Variants in SV2B observed in about 807,000 individuals in gnomAD.
SV2B encodes solute carrier family 22 member B2.
SV2B carries 41 observed loss-of-function variants against 73.9 expected under a neutral mutation model. That is an observed-to-expected ratio of 0.56 (90% CI 0.43 to 0.72). The LOEUF is 0.72. Among genes scored for constraint, SV2B ranks in the 30% least tolerant of loss-of-function variants. The pLI is 0.00. For synonymous variants in SV2B, 314 were observed against 314.2 expected, an observed-to-expected ratio of 1.00 and a Z score of 0.01; for missense variants, 764 against 857.8, an observed-to-expected ratio of 0.89 and a Z score of 1.37.
rs575838093 is a variant in SV2B, at chr15:91,227,156, C to G, written c.451+442C>G. On this transcript the variant is annotated intron_variant, in intron 2 of 12. Transcript: ENST00000394232. The surrounding 1 kb of genome is among the most constrained non-coding windows in gnomAD (Gnocchi z 4.5). The stretch of plus-strand genomic sequence containing the variant: ...CTTCTCTCTGTGTCTTTCCAGAGTC[C>G]GATGGTGTCTGTTCCTGGTTTCTCA... Among the ~76,000 whole-genome samples the G allele has an allele frequency of 6.6e-6, 1 of 152,040 alleles. No homozygotes were observed. The highest frequency in any genetic ancestry group is 1.5e-5 in the Non-Finnish European group (1 of 68,000).
chr15:91,185,989 G>A (rs1395638548), intron 1 of SV2B, among the ~76,000 whole-genome samples: 1 of 152,196 alleles, frequency 6.6e-6, no homozygotes, highest in Admixed American at 6.5e-5. Flanking sequence ...GTCCCAGGCT[G>A]TCCCCCAGAC....
At chr15:91,264,632 T>C (rs1035600174) in intron 6 of SV2B, among the ~76,000 whole-genome samples, 16 of 152,194 alleles carry the variant, frequency 1.1e-4, no homozygotes, top group African/African-American at 3.9e-4. Flanking sequence ...GCCACCTCCG[T>C]TGAGTGGCCT....
Position 91,130,504 on chromosome 15 carries a change from TGAGAGAGA to T in SV2B, c.-392+30150_-392+30157del, listed in dbSNP as rs1301045343. On this transcript the variant is annotated intron_variant, in intron 1 of 12. Coordinates refer to ENST00000394232, the MANE Select transcript of SV2B (RefSeq NM_001323032.3). This position sits in a 1 kb window ranked among gnomAD's most constrained non-coding sequence, Gnocchi z 5.6. ...GAAGTGGAGGGTAAGGAACAGGGAA[TGAGAGAGA>T]GAGAGAGAAGCAGCTGCATTTGGGG... Among the ~76,000 whole-genome samples the T allele has an allele frequency of 6.7e-6, 1 of 149,810 alleles. No homozygotes were observed. The highest frequency in any genetic ancestry group is 2.5e-5 in the African/African-American group (1 of 40,734).
rs925463802 is a variant in SV2B, at chr15:91,267,769, A to G, written c.1208+126A>G. On this transcript the variant is annotated intron_variant, in intron 8 of 12. Coordinates refer to ENST00000394232, the MANE Select transcript of SV2B (RefSeq NM_001323032.3). This position sits in a 1 kb window ranked among gnomAD's most constrained non-coding sequence, Gnocchi z 4.3. ...GTAGGATGCTTTGGTGGCAAGTAGC[A>G]GAAAACCAACTCTAGTGGCTTCTAC... The G allele has an allele frequency of 7.6e-6, 6 of 788,356 alleles. No homozygotes were observed. Among genetic ancestry groups the G allele is most frequent in the Non-Finnish European group, 1.3e-5 (6 of 464,600 alleles). The allele number at this position is 788,356 out of a possible 1,614,324, so 48.8% of individuals were successfully genotyped here.
At chr15:91,244,540 G>A (rs191783363) in intron 2 of SV2B, among the ~76,000 whole-genome samples, 92 of 152,240 alleles carry the variant, frequency 6.0e-4, no homozygotes, top group African/African-American at 2.0e-3. Flanking sequence ...GTTTCCAAGC[G>A]TCCAGATGCC....
At chr15:91,199,700 C>T (rs1051369342) in intron 1 of SV2B, among the ~76,000 whole-genome samples, 1 of 152,144 alleles carries the variant, frequency 6.6e-6, no homozygotes, top group Non-Finnish European at 1.5e-5. Context: ...GGTTTCAGTG[C>T]CCAGGTGGGG....
rs781440405 is a variant in SV2B, at chr15:91,284,113, A to G, written c.1600A>G (p.Asn534Asp). ...CTGCCACATGGACTTGGAGCAAGAT[A>G]ATGACTTCCTGATTTACCTCGTCAG... is the stretch of plus-strand genomic sequence containing the variant. Reference protein sequence around the residue: ...EGCHMDLEQDNDFLIYLVSFL... With the variant: ...EGCHMDLEQDDDFLIYLVSFL... The change falls in exon 11 of 13, where the codon AAT (asparagine) becomes GAT (aspartate). Residue 534 changes from asparagine to aspartate, a missense_variant. Physicochemically the swap from Asn to Asp is conservative, Grantham distance 23. Transcript: ENST00000394232. The surrounding 1 kb of genome is among the most constrained non-coding windows in gnomAD (Gnocchi z 4.5). 1.2e-6 allele frequency: 2 copies of G among 1,614,182 alleles called. No homozygotes were observed. The highest frequency in any genetic ancestry group is 1.7e-5 in the Admixed American group (1 of 60,024).
At chr15:91,144,535 A>G (rs2043090016) in intron 1 of SV2B, among the ~76,000 whole-genome samples, 1 of 152,230 alleles carries the variant, frequency 6.6e-6, no homozygotes. Flanking sequence ...TCCTGCTATA[A>G]TACTTTCTTA....
intron 2 of SV2B, among the ~76,000 whole-genome samples, chr15:91,243,090 TA>T (rs1306681272): frequency 6.6e-6 from 1 of 152,182 alleles, no homozygotes; most frequent in African/African-American, 2.4e-5. Flanking sequence ...TTTGCCCTCT[TA>T]TGAGACCCCT....
rs1301601202 is a variant in SV2B, at chr15:91,123,386, AT to A, written c.-392+23025del. On this transcript the variant is annotated intron_variant, in intron 1 of 12. Coordinates refer to ENST00000394232, the MANE Select transcript of SV2B (RefSeq NM_001323032.3). This position sits in a 1 kb window ranked among gnomAD's most constrained non-coding sequence, Gnocchi z 4.7. ...GCTTGGTTTAGCCATTCCACGATGTATTCATATTTGAAAACAACATTTTATA... is the reference window on the plus strand; with the variant it reads ...GCTTGGTTTAGCCATTCCACGATGTATCATATTTGAAAACAACATTTTATA... Among the ~76,000 whole-genome samples the A allele has an allele frequency of 5.8e-4, 89 of 152,232 alleles. No homozygotes were observed. The highest frequency in any genetic ancestry group is 2.1e-3 in the African/African-American group (86 of 41,454).
chr15:91,206,795 G>A (rs1428792680), intron 1 of SV2B, among the ~76,000 whole-genome samples: 2 of 152,260 alleles, frequency 1.3e-5, no homozygotes, highest in East Asian at 1.9e-4. Context: ...ACATAAAAGA[G>A]CATATTTAAA....
Position 91,110,422 on chromosome 15 carries a change from G to A in SV2B, c.-392+10059G>A, listed in dbSNP as rs532703805. Among the ~76,000 whole-genome samples, 1 of 152,284 alleles carries A rather than the reference G, an allele frequency of 6.6e-6. No homozygotes were observed. Among genetic ancestry groups the A allele is most frequent in the South Asian group, 2.1e-4 (1 of 4,822 alleles). On this transcript the variant is annotated intron_variant, in intron 1 of 12. Coordinates refer to ENST00000394232, the MANE Select transcript of SV2B (RefSeq NM_001323032.3). This position sits in a 1 kb window ranked among gnomAD's most constrained non-coding sequence, Gnocchi z 5.4. ...CCCAAGCAGGTGAGAGCCTGGTTAGGCCCCTCAACAGCCTCCTCTGATTGC... is the reference window on the plus strand; with the variant it reads ...CCCAAGCAGGTGAGAGCCTGGTTAGACCCCTCAACAGCCTCCTCTGATTGC...
chr15:91,278,190 G>A (rs569235148), intron 9 of SV2B, among the ~76,000 whole-genome samples: 44 of 152,196 alleles, frequency 2.9e-4, no homozygotes, highest in African/African-American at 9.1e-4. Context: ...GTAAAAGTAC[G>A]CCCCGTTTAT....
At chr15:91,180,121 G>A (rs1469781625) in intron 1 of SV2B, among the ~76,000 whole-genome samples, 4 of 152,048 alleles carry the variant, frequency 2.6e-5, no homozygotes, top group African/African-American at 2.4e-5. Context: ...TTGCTTGTTT[G>A]TAAAGTATTT....
At chr15:91,175,754 A>ATCT (rs1391237140) in intron 1 of SV2B, among the ~76,000 whole-genome samples, 2 of 151,734 alleles carry the variant, frequency 1.3e-5, no homozygotes, top group Middle Eastern at 3.4e-3. Context: ...ATCTAATCTA[A>ATCT]TCTTGATATA....
chr15:91,158,951 G>T (rs1428703519), intron 1 of SV2B, among the ~76,000 whole-genome samples: 2 of 151,858 alleles, frequency 1.3e-5, no homozygotes, highest in African/African-American at 4.8e-5. Flanking sequence ...TAATAAGGTT[G>T]TAGGCAGTCC....
At chr15:91,259,243 C>T (rs142985988) in intron 5 of SV2B, among the ~76,000 whole-genome samples, 360 of 152,342 alleles carry the variant, frequency 2.4e-3, no homozygotes, top group African/African-American at 8.2e-3. Context: ...GGGTCCCCAG[C>T]CACCAGACAG....
At chr15:91,146,577 G>T (rs1170120864) in intron 1 of SV2B, among the ~76,000 whole-genome samples, 3 of 152,140 alleles carry the variant, frequency 2.0e-5, no homozygotes, top group Admixed American at 2.0e-4. Context: ...TATCCATGAG[G>T]ATAAAATGTT....
At position 91,268,309 on chromosome 15, in the gene SV2B, C is replaced by A; in HGVS notation, c.1209-132C>A. On this transcript the variant is annotated intron_variant, in intron 8 of 12. Coordinates refer to ENST00000394232, the MANE Select transcript of SV2B (RefSeq NM_001323032.3). The surrounding 1 kb of genome is among the most constrained non-coding windows in gnomAD (Gnocchi z 4.4). ...TTATTAATATGAGGATTTATATTGT[C>A]AGATTTTCTAATAATGAACCAAATT... The A allele has an allele frequency of 1.1e-6, 1 of 916,870 alleles. No individual in the cohort carries two copies. The allele number at this position is 916,870 out of a possible 1,614,324, so 56.8% of individuals were successfully genotyped here.
Sources: gnomAD v4.1 joint callset for allele counts (sites outside exome capture counted in the v4.1 genomes callset) on GRCh38, gnomAD v4.1.1 for gene constraint, Gnocchi (gnomAD v3.1) non-coding constraint, MANE v1.5 for transcripts, NCBI Gene and HGNC (gene_info 2026-07-23, HGNC 2026-07-21) for gene names.